RUBCN: variants seen among roughly 807,000 people sequenced by gnomAD.
RUBCN encodes rubicon autophagy regulator, also known as run domain Beclin-1-interacting and cysteine-rich domain-containing protein.
Under a neutral mutation model 113.2 loss-of-function variants are expected in RUBCN, and 74 were observed. The observed-to-expected ratio is 0.65, with a 90% CI of 0.54 to 0.79. The LOEUF is 0.79. Ranked by LOEUF, RUBCN falls within the 30% of genes least tolerant of loss-of-function variation. The pLI, the probability that RUBCN is intolerant of heterozygous loss-of-function variation, is 0.00. For missense variants in RUBCN, 1,109 were observed against 1,251.7 expected, an observed-to-expected ratio of 0.89 and a Z score of 1.72; for synonymous variants, 480 against 490.0, an observed-to-expected ratio of 0.98 and a Z score of 0.27.
chr3:197,688,648 G>A (rs556970797), intron 11 of RUBCN, among the ~76,000 whole-genome samples: 7 of 152,138 alleles, frequency 4.6e-5, no homozygotes, highest in Non-Finnish European at 1.0e-4. Context: ...AGATGGAGAT[G>A]GGGAAAAAAA....
At chr3:197,727,485 T>C (rs775587642) in intron 1 of RUBCN, among the ~76,000 whole-genome samples, 2 of 152,228 alleles carry the variant, frequency 1.3e-5, no homozygotes, top group Non-Finnish European at 2.9e-5. Flanking sequence ...TTACCCATTC[T>C]GCTTAAAAAG....
intron 1 of RUBCN, among the ~76,000 whole-genome samples, chr3:197,734,876 C>G (rs1727944711): frequency 6.6e-6 from 1 of 152,230 alleles, no homozygotes; most frequent in Non-Finnish European, 1.5e-5. Context: ...AAATCATTCT[C>G]AGATCTCAGG....
In RUBCN at chr3:197,733,191, G is replaced by A. The variant is rs190931834; in HGVS notation, c.65+3464C>T. On this transcript the variant is annotated intron_variant, in intron 1 of 19. Coordinates refer to ENST00000296343, the MANE Select transcript of RUBCN (RefSeq NM_014687.4). ...CCTTCATTTTTAAAATGACACTACC[G>A]GCTGGGCACAGTGGCTCATGCTTGT... Among the ~76,000 whole-genome samples the A allele has an allele frequency of 8.5e-5, 13 of 152,254 alleles. No individual in the cohort carries two copies. The East Asian group carries it at 1.9e-3, about 23-fold the overall frequency.
intron 2 of RUBCN, among the ~76,000 whole-genome samples, chr3:197,707,349 ATGT>A (rs1191896279): frequency 6.6e-6 from 1 of 152,118 alleles, no homozygotes; most frequent in African/African-American, 2.4e-5. Flanking sequence ...AAAGAAAAGC[ATGT>A]AAAATTGGTT....
chr3:197,678,956 G>A (rs62283398), intron 16 of RUBCN, among the ~76,000 whole-genome samples: 2 of 116,696 alleles, frequency 1.7e-5, no homozygotes, highest in South Asian at 2.8e-4. Flanking sequence ...CCAGACTGTC[G>A]TATGCTCTAA....
intron 2 of RUBCN, among the ~76,000 whole-genome samples, chr3:197,707,940 G>C (rs920355081): frequency 1.3e-5 from 2 of 151,546 alleles, no homozygotes; most frequent in Non-Finnish European, 2.9e-5. Context: ...CTCCAGCTTG[G>C]GCAATAGTGC....
At chr3:197,731,739 C>T (rs1289006450) in intron 1 of RUBCN, among the ~76,000 whole-genome samples, 2 of 149,556 alleles carry the variant, frequency 1.3e-5, no homozygotes, top group Non-Finnish European at 3.0e-5. Context: ...GGCGACTGGC[C>T]GGGCGGGGGG....
intron 5 of RUBCN, among the ~76,000 whole-genome samples, chr3:197,702,918 C>T (rs1388712792): frequency 2.6e-5 from 4 of 152,082 alleles, no homozygotes; most frequent in Admixed American, 6.6e-5. Context: ...AAACTCTATC[C>T]GATTCAAAAC....
intron 1 of RUBCN, among the ~76,000 whole-genome samples, chr3:197,731,886 A>G (rs1332458125): frequency 6.6e-6 from 1 of 152,266 alleles, no homozygotes; most frequent in Non-Finnish European, 1.5e-5. Flanking sequence ...TTTTAGTACT[A>G]TAAGCCATTA....
chr3:197,691,813 G>C (rs1722451286), intron 11 of RUBCN, among the ~76,000 whole-genome samples: 1 of 152,004 alleles, frequency 6.6e-6, no homozygotes, highest in Admixed American at 6.5e-5. Flanking sequence ...CTGGGAGTGA[G>C]GTCAGACCCT....
At chr3:197,684,002 C>T (rs1476866481) in intron 12 of RUBCN, among the ~76,000 whole-genome samples, 155 bp downstream of exon 12, 1 of 152,220 alleles carries the variant, frequency 6.6e-6, no homozygotes, top group Non-Finnish European at 1.5e-5. Flanking sequence ...CTGCTTTCTT[C>T]CCGTGGGCTC....
Position 197,675,354 on chromosome 3 carries a change from G to T in RUBCN, c.2740+68C>A. Reference sequence around the variant, plus strand: ...GTGGCACCGAACTCTTGCTAACAGGGGTGGCTCTGGGGAATCAAGGAGCCC... The same window carrying T: ...GTGGCACCGAACTCTTGCTAACAGGTGTGGCTCTGGGGAATCAAGGAGCCC... On this transcript the variant is annotated intron_variant, in intron 19 of 19. Coordinates refer to ENST00000296343, the MANE Select transcript of RUBCN (RefSeq NM_014687.4). This position sits in a 1 kb window ranked among gnomAD's most constrained non-coding sequence, Gnocchi z 4.4. The T allele has an allele frequency of 2.0e-6, 3 of 1,518,672 alleles. No homozygotes were observed. Among genetic ancestry groups the T allele is most frequent in the Non-Finnish European group, 2.7e-6 (3 of 1,095,558 alleles). 94.1% of individuals were successfully genotyped at this position (1,518,672 alleles called of 1,614,324 possible). A position where few individuals can be genotyped will look rare whatever the true frequency, so the allele number is the denominator to read the frequency against.
intron 1 of RUBCN, chr3:197,748,555 T>C (rs1311927850): frequency 6.6e-6 from 1 of 152,206 alleles, no homozygotes; most frequent in African/African-American, 2.4e-5. Flanking sequence ...ATAAGACTAC[T>C]AGGCTTACAA....
chr3:197,684,059 C>A, intron 12 of RUBCN, 98 bp downstream of exon 12: 1 of 955,858 alleles, frequency 1.0e-6, no homozygotes, highest in Non-Finnish European at 1.7e-6. Flanking sequence ...CCTCTTACAT[C>A]TGGATGGCTT....
chr3:197,737,020 G>A (rs982448507), upstream of RUBCN: 72 of 997,562 alleles, frequency 7.2e-5, no homozygotes, highest in Non-Finnish European at 8.8e-5. Flanking sequence ...CCCTCCAACG[G>A]CAGGCCGCTC....
intron 7 of RUBCN, chr3:197,699,306 C>T (rs1723374880): frequency 9.0e-7 from 1 of 1,106,878 alleles, no homozygotes; most frequent in Non-Finnish European, 1.3e-6. Context: ...AAAAAGTGTC[C>T]TAAATTTTAC....
At chr3:197,694,724 G>A (rs979689766) in intron 9 of RUBCN, 139 bp from the exon 10 acceptor site, 27 of 767,150 alleles carry the variant, frequency 3.5e-5, no homozygotes, top group East Asian at 3.5e-4. Context: ...TTTCTACTAC[G>A]AGGAAAGCTG....
At chr3:197,740,050 A>C (rs1475840793), upstream of RUBCN, among the ~76,000 whole-genome samples, 1 of 152,124 alleles carries the variant, frequency 6.6e-6, no homozygotes, top group Non-Finnish European at 1.5e-5. Flanking sequence ...GGAGAAAAAA[A>C]AGAAATCCAA....
chr3:197,699,291 G>T (rs2108898818), intron 7 of RUBCN: 2 of 1,257,578 alleles, frequency 1.6e-6, no homozygotes, highest in Non-Finnish European at 1.1e-6. Flanking sequence ...AATACAGAGA[G>T]AGAAAAAAAG....
Sources: allele counts gnomAD v4.1 joint callset (sites outside exome capture counted in the v4.1 genomes callset), GRCh38; gene constraint gnomAD v4.1.1; non-coding constraint Gnocchi (gnomAD v3.1); transcripts MANE v1.5; gene names NCBI Gene and HGNC (gene_info 2026-07-23, HGNC 2026-07-21).